The following KCNAB1 variants were observed in gnomAD, a reference collection of about 807,000 sequenced individuals.
KCNAB1 encodes voltage-gated potassium channel subunit beta-1.
Under a neutral mutation model 64.6 loss-of-function variants are expected in KCNAB1, and 35 were observed. That is an observed-to-expected ratio of 0.54 (90% CI 0.41 to 0.72). The LOEUF (loss-of-function observed/expected upper bound fraction) is 0.72, where lower values mean the gene tolerates loss of function less well. Ranked by LOEUF, KCNAB1 falls within the 30% of genes least tolerant of loss-of-function variation. The probability of loss-of-function intolerance (pLI) is 0.00; values close to 1 mark genes in which losing one functional copy is unlikely to be tolerated. For missense variants in KCNAB1, 401 were observed against 512.9 expected (o/e 0.78, Z 2.11); for synonymous variants, 177 against 183.8 (o/e 0.96, Z 0.30).
chr3:156,382,516 A>C (rs1249428469), intron 1 of KCNAB1, among the ~76,000 whole-genome samples: 2 of 152,026 alleles, frequency 1.3e-5, no homozygotes, highest in Non-Finnish European at 2.9e-5. Flanking sequence ...AACAAACAAA[A>C]AAACCAACCA....
At chr3:156,154,677 G>C (rs1200949425) in intron 1 of KCNAB1, among the ~76,000 whole-genome samples, 1 of 152,158 alleles carries the variant, frequency 6.6e-6, no homozygotes, top group African/African-American at 2.4e-5. Context: ...CTGGTCCTTG[G>C]TGGTATCATC....
At chr3:156,493,593 A>G (rs1254198882) in intron 8 of KCNAB1, among the ~76,000 whole-genome samples, 1 of 152,106 alleles carries the variant, frequency 6.6e-6, no homozygotes, top group Non-Finnish European at 1.5e-5. Flanking sequence ...ACACAATAAT[A>G]TTATATAATC....
chr3:156,136,926 G>T (rs1401619306), intron 1 of KCNAB1, among the ~76,000 whole-genome samples: 1 of 152,212 alleles, frequency 6.6e-6, no homozygotes, highest in Non-Finnish European at 1.5e-5. Context: ...ATGCAGAATA[G>T]CAGTTAAATC....
intron 1 of KCNAB1, among the ~76,000 whole-genome samples, chr3:156,279,127 C>A (rs1189927774): frequency 6.7e-6 from 1 of 149,720 alleles, no homozygotes; most frequent in South Asian, 2.2e-4. Flanking sequence ...TCCCACCACC[C>A]CACAACAGTC....
intron 1 of KCNAB1, among the ~76,000 whole-genome samples, chr3:156,392,018 A>G (rs1485175668): frequency 6.6e-6 from 1 of 152,196 alleles, no homozygotes; most frequent in Non-Finnish European, 1.5e-5. Context: ...TGTTCTTGGT[A>G]TAAAGCATGA....
chr3:156,170,689 T>C (rs978642190), intron 1 of KCNAB1, among the ~76,000 whole-genome samples: 1 of 152,178 alleles, frequency 6.6e-6, no homozygotes, highest in African/African-American at 2.4e-5. Context: ...GTTTCCAACA[T>C]GCTCCAGTTA....
At position 156,475,611 on chromosome 3, in the gene KCNAB1, T is replaced by G. The variant is rs572915354; in HGVS notation, c.658+791T>G. ...AGCAAAAATGAATATTCTGGTTATT[T>G]GAACAGTATGATGTGGATTACCACT... On this transcript the variant is annotated intron_variant, in intron 8 of 13. Transcript: ENST00000490337. 2.6e-5 allele frequency among the ~76,000 whole-genome samples: 4 copies of G among 152,292 alleles called. No homozygotes were observed. In the East Asian group the frequency reaches 7.7e-4, roughly 29 times the overall value.
chr3:156,177,371 A>T (rs1712451250), intron 1 of KCNAB1, among the ~76,000 whole-genome samples: 1 of 151,972 alleles, frequency 6.6e-6, no homozygotes, highest in African/African-American at 2.4e-5. Flanking sequence ...TGGTATTTTT[A>T]TTTCTTTATT....
chr3:156,309,201 A>G (rs1028187404), intron 1 of KCNAB1, among the ~76,000 whole-genome samples: 3 of 152,244 alleles, frequency 2.0e-5, no homozygotes, highest in Non-Finnish European at 4.4e-5. Flanking sequence ...AAAAGCAAAT[A>G]CCTAATCATA....
At position 156,536,683 on chromosome 3, in the gene KCNAB1, T is replaced by C; in HGVS notation, c.1196T>C (p.Val399Ala). The change falls in exon 14 of 14, where the codon GTG becomes GCG. Residue 399 changes from valine to alanine, a missense_variant. Coordinates refer to ENST00000490337, the MANE Select transcript of KCNAB1 (RefSeq NM_172160.3). Reference protein sequence around the residue: ...IQVLPKMTSHVVNEIDNILRN... With the variant: ...IQVLPKMTSHAVNEIDNILRN... ...GTTCTCCCAAAGATGACATCACATG[T>C]GGTAAATGAGATTGATAACATACTG... 6.2e-7 allele frequency: 1 copy of C among 1,612,900 alleles called. No homozygotes were observed. The highest frequency in any genetic ancestry group is 8.5e-7 in the Non-Finnish European group (1 of 1,178,830).
At chr3:156,275,126 T>C (rs1719263994) in intron 1 of KCNAB1, among the ~76,000 whole-genome samples, 1 of 152,202 alleles carries the variant, frequency 6.6e-6, no homozygotes, top group African/African-American at 2.4e-5. Flanking sequence ...ACAGGTATAC[T>C]TTGAAGATAT....
chr3:156,497,864 T>C (rs930494979), intron 8 of KCNAB1, among the ~76,000 whole-genome samples: 4 of 152,204 alleles, frequency 2.6e-5, no homozygotes, highest in East Asian at 1.9e-4. Context: ...ATGATATAGA[T>C]ACATAGGGTC....
chr3:156,319,260 A>C (rs942907149), intron 1 of KCNAB1, among the ~76,000 whole-genome samples: 1 of 152,134 alleles, frequency 6.6e-6, no homozygotes, highest in Non-Finnish European at 1.5e-5. Flanking sequence ...TGCAGGTGCA[A>C]ATAGCCCCAA....
chr3:156,492,260 A>G (rs888117225), intron 8 of KCNAB1, among the ~76,000 whole-genome samples: 1 of 152,166 alleles, frequency 6.6e-6, no homozygotes, highest in African/African-American at 2.4e-5. Flanking sequence ...AAAAAAGAAG[A>G]TAAAAGCCTT....
At chr3:156,146,349 AAG>A (rs1392765172) in intron 1 of KCNAB1, among the ~76,000 whole-genome samples, 1 of 152,176 alleles carries the variant, frequency 6.6e-6, no homozygotes, top group Non-Finnish European at 1.5e-5. Flanking sequence ...GTTTACTACT[AAG>A]AGGCTGAAAA....
Position 156,404,220 on chromosome 3 carries a change from A to G in KCNAB1, c.276-17396A>G, listed in dbSNP as rs187184614. Reference sequence around the variant, plus strand: ...GGTCTCAAAGCACAATGACTGCATAATAATTTTCTTTTTCACAAAACATTT... The same window carrying G: ...GGTCTCAAAGCACAATGACTGCATAGTAATTTTCTTTTTCACAAAACATTT... On this transcript the variant is annotated intron_variant, in intron 1 of 13. Coordinates refer to ENST00000490337, the MANE Select transcript of KCNAB1 (RefSeq NM_172160.3). Among the ~76,000 whole-genome samples the G allele has an allele frequency of 4.9e-3, 744 of 152,332 alleles. 2 individuals are homozygous for G. Among genetic ancestry groups the G allele is most frequent in the Non-Finnish European group, 8.2e-3 (560 of 68,034 alleles).
intron 1 of KCNAB1, chr3:156,143,017 C>T: frequency 7.5e-7 from 1 of 1,330,146 alleles, no homozygotes; most frequent in Admixed American, 3.6e-5. Flanking sequence ...AACTTAGGAG[C>T]CTGCTCGCCT....
rs116046940 is a variant in KCNAB1, at chr3:156,391,582, T to C, written c.276-30034T>C. Reference sequence around the variant, plus strand: ...AGCTGTCTTTGAAATTGCTTCTTCCTGGGTTTAATACCTCTACAAAATGTG... The same window carrying C: ...AGCTGTCTTTGAAATTGCTTCTTCCCGGGTTTAATACCTCTACAAAATGTG... On this transcript the variant is annotated intron_variant, in intron 1 of 13. Coordinates refer to ENST00000490337, the MANE Select transcript of KCNAB1 (RefSeq NM_172160.3). Among the ~76,000 whole-genome samples the C allele has an allele frequency of 8.5e-3, 1,292 of 152,348 alleles. 19 individuals carry two copies. Among genetic ancestry groups the C allele is most frequent in the African/African-American group, 0.03 (1,235 of 41,578 alleles).
intron 1 of KCNAB1, among the ~76,000 whole-genome samples, chr3:156,259,892 C>G (rs1718326343): frequency 6.6e-6 from 1 of 152,214 alleles, no homozygotes; most frequent in Non-Finnish European, 1.5e-5. Flanking sequence ...AGCCATTCTC[C>G]ACTATTGCTG....
Sources: allele counts gnomAD v4.1 joint callset (sites outside exome capture counted in the v4.1 genomes callset), GRCh38; gene constraint gnomAD v4.1.1; transcripts MANE v1.5; gene names NCBI Gene and HGNC (gene_info 2026-07-23, HGNC 2026-07-21).